PWWP2B: variants seen among roughly 807,000 people sequenced by gnomAD.
The protein encoded by PWWP2B is PWWP domain-containing protein 2B.
PWWP2B carries 9 observed loss-of-function variants against 15.5 expected under a neutral mutation model. The observed-to-expected ratio is 0.58, with a 90% CI of 0.35 to 1.02. The LOEUF is 1.02. PWWP2B is among the 50% of genes least tolerant of loss of function. The pLI is 0.02. For synonymous variants in PWWP2B, 474 were observed against 403.6 expected, an observed-to-expected ratio of 1.17 and a Z score of -2.09; for missense variants, 864 against 865.3, an observed-to-expected ratio of 1.00 and a Z score of 0.02.
chr10:132,398,577 G>C (rs2069569070), intron 1 of PWWP2B, among the ~76,000 whole-genome samples: 1 of 152,240 alleles, frequency 6.6e-6, no homozygotes, highest in African/African-American at 2.4e-5. Flanking sequence ...GCAGTGGGTT[G>C]CCCCATTTCC....
At chr10:132,403,014 G>A (rs976768156) in intron 1 of PWWP2B, among the ~76,000 whole-genome samples, 1 of 152,218 alleles carries the variant, frequency 6.6e-6, no homozygotes, top group Non-Finnish European at 1.5e-5. Flanking sequence ...TCCCTTTCTC[G>A]CGAAAGTCTT....
intron 2 of PWWP2B, among the ~76,000 whole-genome samples, chr10:132,413,389 G>A (rs1013420668): frequency 5.9e-5 from 9 of 152,172 alleles, no homozygotes; most frequent in African/African-American, 1.7e-4. Context: ...GGGTGCCCGC[G>A]GGCGTCCCGG....
chr10:132,404,059 C>T (rs2069648685), intron 1 of PWWP2B, among the ~76,000 whole-genome samples: 2 of 62,756 alleles, frequency 3.2e-5, no homozygotes, highest in Non-Finnish European at 6.1e-5. Flanking sequence ...CGGCATTCTC[C>T]AGGGCTCCTG....
chr10:132,405,353 G>C lies in PWWP2B; in HGVS notation c.853G>C (p.Ala285Pro). 1.2e-6 allele frequency: 2 copies of C among 1,611,486 alleles called. No individual in the cohort carries two copies. The highest frequency in any genetic ancestry group is 1.1e-5 in the South Asian group (1 of 91,046). ...GSLEPFRPQQ[A>P]PQDDGSQDPE... Reference sequence around the variant, plus strand: ...TCTGGAGCCCTTCCGTCCCCAGCAGGCCCCGCAGGACGACGGCAGCCAGGA... The same window carrying C: ...TCTGGAGCCCTTCCGTCCCCAGCAGCCCCCGCAGGACGACGGCAGCCAGGA... Residue 285 changes from alanine to proline, a missense_variant, in exon 2 of 3, where the codon GCC (alanine) becomes CCC (proline). Transcript: ENST00000305233.
chr10:132,403,824 G>A (rs932930255), intron 1 of PWWP2B, among the ~76,000 whole-genome samples: 1 of 137,412 alleles, frequency 7.3e-6, no homozygotes, highest in African/African-American at 2.6e-5. Flanking sequence ...TTCCCCTGCA[G>A]CTCGTGTGGC....
chr10:132,407,707 G>A (rs1329373624), intron 2 of PWWP2B, among the ~76,000 whole-genome samples: 2 of 152,160 alleles, frequency 1.3e-5, no homozygotes, highest in East Asian at 1.9e-4. Context: ...TGCTCCCCCC[G>A]CCCCAGGAAC....
At chr10:132,414,580 C>T (rs572257276) in intron 2 of PWWP2B, among the ~76,000 whole-genome samples, 57 of 138,970 alleles carry the variant, frequency 4.1e-4, no homozygotes, top group Non-Finnish European at 6.8e-4. Flanking sequence ...CTGGAGGATG[C>T]ATAGGTGGAG....
chr10:132,417,022 C>A (rs1182257222), intron 2 of PWWP2B, 39 bp from the exon 3 acceptor site: 2 of 1,612,990 alleles, frequency 1.2e-6, no homozygotes, highest in South Asian at 1.1e-5. Context: ...CATACTCGAC[C>A]CTGAGTTAAA....
intron 2 of PWWP2B, among the ~76,000 whole-genome samples, chr10:132,413,010 C>T (rs939783874): frequency 3.3e-5 from 5 of 152,222 alleles, no homozygotes; most frequent in African/African-American, 1.2e-4. Flanking sequence ...GCATCTTTGC[C>T]CCCGCCGTGC....
chr10:132,402,993 C>T (rs529657845), intron 1 of PWWP2B, among the ~76,000 whole-genome samples: 8 of 152,348 alleles, frequency 5.3e-5, no homozygotes, highest in South Asian at 2.1e-4. Context: ...GGGCACCGCC[C>T]GGGACTGGCC....
At chr10:132,399,194 G>A (rs926586625) in intron 1 of PWWP2B, among the ~76,000 whole-genome samples, 18 of 152,254 alleles carry the variant, frequency 1.2e-4, no homozygotes, top group East Asian at 3.8e-4. Context: ...TCATCAGGGC[G>A]TGGTGCCCGC....
intron 1 of PWWP2B, among the ~76,000 whole-genome samples, chr10:132,399,581 T>TAA (rs1488144472): frequency 6.6e-6 from 1 of 152,256 alleles, no homozygotes; most frequent in Non-Finnish European, 1.5e-5. Context: ...TGAAGCAAGA[T>TAA]TCTCTTGAGT....
intron 2 of PWWP2B, among the ~76,000 whole-genome samples, chr10:132,408,253 A>G (rs1450972953): frequency 6.6e-6 from 1 of 152,148 alleles, no homozygotes; most frequent in African/African-American, 2.4e-5. Context: ...CCAAGTGCTC[A>G]GTGTGATCAG....
At chr10:132,403,420 T>G (rs2069638202) in intron 1 of PWWP2B, among the ~76,000 whole-genome samples, 1 of 152,236 alleles carries the variant, frequency 6.6e-6, no homozygotes, top group Admixed American at 6.5e-5. Context: ...TGTGGAAACG[T>G]GGATTCTGTG....
chr10:132,406,350 G>T, intron 2 of PWWP2B, 61 bp downstream of exon 2: 13 of 1,382,426 alleles, frequency 9.4e-6, no homozygotes, highest in African/African-American at 1.4e-5. Context: ...CTGTGTCCAG[G>T]CCATGCCTCT....
chr10:132,406,299 C>T lies in PWWP2B; in HGVS notation c.*16+10C>T. 1 of 1,581,520 alleles carries T rather than the reference C, an allele frequency of 6.3e-7. No homozygotes were observed. The highest frequency in any genetic ancestry group is 1.1e-5 in the South Asian group (1 of 87,352). On this transcript the variant is annotated intron_variant, in intron 2 of 2. Coordinates refer to ENST00000305233, the MANE Select transcript of PWWP2B (RefSeq NM_138499.4). ...CTGGTTCCCTGACCAGGTGAGTGTGCCAGCGGCAGCCTCCTTCCCCCCAGC... is the reference window on the plus strand; with the variant it reads ...CTGGTTCCCTGACCAGGTGAGTGTGTCAGCGGCAGCCTCCTTCCCCCCAGC...
At chr10:132,404,015 CTGCAGGA>C (rs1453935258) in intron 1 of PWWP2B, among the ~76,000 whole-genome samples, 2 of 55,254 alleles carry the variant, frequency 3.6e-5, no homozygotes, top group East Asian at 7.1e-4. Context: ...TCCAGGGCTC[CTGCAGGA>C]CGGCATTCTC....
At chr10:132,401,399 G>T (rs1471117846) in intron 1 of PWWP2B, among the ~76,000 whole-genome samples, 1 of 147,394 alleles carries the variant, frequency 6.8e-6, no homozygotes. Flanking sequence ...CACAGGCAGG[G>T]CCCCCATGGG....
intron 2 of PWWP2B, 81 bp from the exon 3 acceptor site, chr10:132,416,980 C>T: frequency 6.6e-7 from 1 of 1,523,060 alleles, no homozygotes; most frequent in Admixed American, 1.7e-5. Flanking sequence ...GGCACCCTGA[C>T]CTGCTGCTCA....
Sources: allele counts gnomAD v4.1 joint callset (sites outside exome capture counted in the v4.1 genomes callset), GRCh38; gene constraint gnomAD v4.1.1; transcripts MANE v1.5; gene names NCBI Gene and HGNC (gene_info 2026-07-23, HGNC 2026-07-21).